SLIT1: variants seen among roughly 807,000 people sequenced by gnomAD.
SLIT1 encodes the protein slit homolog 1 protein.
A neutral mutation model predicts 186.1 loss-of-function variants in SLIT1; 66 were observed. The observed-to-expected ratio is 0.35, with a 90% CI of 0.29 to 0.44. The LOEUF (loss-of-function observed/expected upper bound fraction) is 0.44. SLIT1 is among the 20% of genes least tolerant of loss of function. The pLI, the probability that SLIT1 is intolerant of heterozygous loss-of-function variation, is 1.00. For missense variants in SLIT1, 1,638 were observed against 2,037.4 expected, an observed-to-expected ratio of 0.80 and a Z score of 3.77; for synonymous variants, 761 against 833.8, an observed-to-expected ratio of 0.91 and a Z score of 1.50.
Position 97,004,559 on chromosome 10 carries a change from G to T in SLIT1, c.3710+134C>A. The T allele has an allele frequency of 2.8e-6, 3 of 1,069,588 alleles. No individual in the cohort carries two copies. Among genetic ancestry groups the T allele is most frequent in the Non-Finnish European group, 1.4e-6 (1 of 719,268 alleles). 66.3% of individuals were successfully genotyped at this position (1,069,588 alleles called of 1,614,324 possible). A position where few individuals can be genotyped will look rare whatever the true frequency, so the allele number is the denominator to read the frequency against. On this transcript the variant is annotated intron_variant, in intron 33 of 36. Transcript: ENST00000266058. This position sits in a 1 kb window ranked among gnomAD's most constrained non-coding sequence, Gnocchi z 5.1. ...GCCCCAAGCTGGGGCTAACCCAGAT[G>T]GTTCAAGTGTCCTTCAAACTCAGGC...
chr10:97,176,787 C>T (rs370891198), intron 1 of SLIT1, among the ~76,000 whole-genome samples: 8 of 152,160 alleles, frequency 5.3e-5, no homozygotes, highest in East Asian at 1.9e-4. Context: ...AATGATTCCT[C>T]GGCCCAGGTT....
chr10:97,026,012 A>G (rs1848541980), intron 25 of SLIT1, among the ~76,000 whole-genome samples: 1 of 151,496 alleles, frequency 6.6e-6, no homozygotes, highest in South Asian at 2.1e-4. Context: ...AGAAAAGCAC[A>G]ACATCTTAGT....
intron 4 of SLIT1, among the ~76,000 whole-genome samples, chr10:97,092,308 G>A (rs372473551): frequency 6.6e-6 from 1 of 152,206 alleles, no homozygotes; most frequent in African/African-American, 2.4e-5. Flanking sequence ...TCTCTAGAAG[G>A]CTCCAGTTAG....
chr10:97,075,484 TG>T (rs1302289112), intron 4 of SLIT1, among the ~76,000 whole-genome samples: 1 of 152,192 alleles, frequency 6.6e-6, no homozygotes, highest in East Asian at 1.9e-4. Flanking sequence ...CCATGACCTC[TG>T]GCAGGACCAC....
intron 4 of SLIT1, among the ~76,000 whole-genome samples, chr10:97,088,974 A>G (rs1380700096): frequency 1.3e-5 from 2 of 152,204 alleles, no homozygotes; most frequent in Admixed American, 1.3e-4. Flanking sequence ...GTGGCCAAAC[A>G]GAAGCCAGAA....
At chr10:97,094,928 T>C (rs1379093595) in intron 4 of SLIT1, among the ~76,000 whole-genome samples, 1 of 152,228 alleles carries the variant, frequency 6.6e-6, no homozygotes, top group Non-Finnish European at 1.5e-5. Context: ...GATGTAATTC[T>C]CTGCTTTAAT....
intron 25 of SLIT1, among the ~76,000 whole-genome samples, chr10:97,027,889 C>A (rs1848559764): frequency 6.6e-6 from 1 of 152,006 alleles, no homozygotes; most frequent in Non-Finnish European, 1.5e-5. Context: ...ACAGTTGAAC[C>A]CCGAGTACAA....
At chr10:97,067,401 C>G (rs1423907577) in intron 4 of SLIT1, among the ~76,000 whole-genome samples, 1 of 152,194 alleles carries the variant, frequency 6.6e-6, no homozygotes, top group Admixed American at 6.5e-5. Flanking sequence ...CAGGTCAGCT[C>G]TTCCTACTCA....
chr10:97,066,836 A>G (rs952386562), intron 4 of SLIT1, among the ~76,000 whole-genome samples: 1 of 152,200 alleles, frequency 6.6e-6, no homozygotes, highest in Non-Finnish European at 1.5e-5. Flanking sequence ...CACAGAGGCC[A>G]GTTCAGCCCC....
intron 4 of SLIT1, among the ~76,000 whole-genome samples, chr10:97,142,047 C>G (rs1226101185): frequency 6.6e-6 from 1 of 152,136 alleles, no homozygotes; most frequent in East Asian, 1.9e-4. Flanking sequence ...AAGCAATCCT[C>G]CCACGTGGGC....
intron 4 of SLIT1, among the ~76,000 whole-genome samples, chr10:97,135,872 A>G (rs954804442): frequency 1.3e-5 from 2 of 152,150 alleles, no homozygotes; most frequent in African/African-American, 4.8e-5. Flanking sequence ...TACCTGCTCC[A>G]TAGAAAAATG....
chr10:97,146,554 C>A (rs1269929155), intron 4 of SLIT1, among the ~76,000 whole-genome samples: 1 of 147,834 alleles, frequency 6.8e-6, no homozygotes, highest in African/African-American at 2.5e-5. Context: ...CAGAGAGGTA[C>A]CCCAGCCCCC....
chr10:97,028,493 C>T (rs1409903070), intron 25 of SLIT1, among the ~76,000 whole-genome samples: 1 of 152,214 alleles, frequency 6.6e-6, no homozygotes, highest in Non-Finnish European at 1.5e-5. Context: ...CTATGCTGGA[C>T]AACGCAGCAT....
chr10:97,155,748 G>T (rs1849942303), intron 4 of SLIT1, among the ~76,000 whole-genome samples: 1 of 152,204 alleles, frequency 6.6e-6, no homozygotes, highest in South Asian at 2.1e-4. Flanking sequence ...AAGGGCAAAA[G>T]CTTGAAAGGT....
At position 97,004,632 on chromosome 10, in the gene SLIT1, A is replaced by G. The variant is rs1848343498; in HGVS notation, c.3710+61T>C. The G allele has an allele frequency of 6.2e-7, 1 of 1,601,970 alleles. No individual in the cohort carries two copies. ...GATAACCACCTGCTTTTGGCCCAGGAGACCTCGCCCTGGCAGTCCCGTACC... is the reference window on the plus strand; with the variant it reads ...GATAACCACCTGCTTTTGGCCCAGGGGACCTCGCCCTGGCAGTCCCGTACC... On this transcript the variant is annotated intron_variant, in intron 33 of 36. Coordinates refer to ENST00000266058, the MANE Select transcript of SLIT1 (RefSeq NM_003061.3). This position sits in a 1 kb window ranked among gnomAD's most constrained non-coding sequence, Gnocchi z 5.1.
chr10:97,119,910 G>A (rs551345361), intron 4 of SLIT1, among the ~76,000 whole-genome samples: 420 of 25,158 alleles, frequency 0.017, 5 homozygotes, highest in Middle Eastern at 0.071. Flanking sequence ...TTTTTCCAAA[G>A]GGGTATATAT....
rs562927720 is a variant in SLIT1 at position 97,037,700 on chromosome 10, G to A, written c.2364C>T (p.Leu788=). The A allele has an allele frequency of 3.7e-5, 59 of 1,608,560 alleles. 1 individual carries two copies. In the South Asian group the frequency reaches 5.4e-4, roughly 15 times the overall value. ...GQLSTFKYLQ[L]VDLSNNKISS... ...CCTCAAGCGGCCTGGATACTTACACGAGCTGCAGGTACTTGAAGGTAGACA... is the reference window on the plus strand; with the variant it reads ...CCTCAAGCGGCCTGGATACTTACACAAGCTGCAGGTACTTGAAGGTAGACA... Residue 788 remains leucine, a splice_region_variant and synonymous_variant, in exon 22 of 37, where the codon CTC becomes CTT. Coordinates refer to ENST00000266058, the MANE Select transcript of SLIT1 (RefSeq NM_003061.3).
intron 30 of SLIT1, 39 bp downstream of exon 30, chr10:97,013,702 C>T (rs1848430104): frequency 6.9e-7 from 1 of 1,457,344 alleles, no homozygotes; most frequent in African/African-American, 1.4e-5. Context: ...ACTCAGGGGC[C>T]TGAGCTCCTC....
intron 2 of SLIT1, 141 bp from the exon 3 acceptor site, chr10:97,163,592 C>T (rs887730170): frequency 5.4e-6 from 4 of 738,874 alleles, no homozygotes; most frequent in Non-Finnish European, 9.6e-6. Context: ...GCCCAAGCCT[C>T]ACACAGGCCT....
Sources: allele counts gnomAD v4.1 joint callset (sites outside exome capture counted in the v4.1 genomes callset), GRCh38; gene constraint gnomAD v4.1.1; non-coding constraint Gnocchi (gnomAD v3.1); transcripts MANE v1.5; gene names NCBI Gene and HGNC (gene_info 2026-07-23, HGNC 2026-07-21).